STXBP3: variants seen among roughly 807,000 people sequenced by gnomAD.
STXBP3 encodes syntaxin binding protein 3.
A neutral mutation model predicts 85.7 loss-of-function variants in STXBP3; 41 were observed. That is an observed-to-expected ratio of 0.48 (90% CI 0.37 to 0.62). The LOEUF (loss-of-function observed/expected upper bound fraction) is 0.62. STXBP3 is among the 20% of genes least tolerant of loss of function. The pLI is 0.00. For synonymous variants in STXBP3, 229 were observed against 231.7 expected (o/e 0.99, Z 0.10); for missense variants, 563 against 703.1 (o/e 0.80, Z 2.25).
Position 108,753,126 on chromosome 1 carries a change from C to A in STXBP3, c.163C>A (p.Leu55Ile). 3 of 1,588,044 alleles carry A rather than the reference C, an allele frequency of 1.9e-6. No individual in the cohort carries two copies. Among genetic ancestry groups the A allele is most frequent in the Non-Finnish European group, 2.6e-6 (3 of 1,168,900 alleles). The change falls in exon 3 of 19, where the codon CTA (leucine) becomes ATA (isoleucine). Residue 55 changes from leucine (L) to isoleucine (I), a missense_variant. Around this residue, in one of 3 missense-constraint regions of STXBP3, gnomAD observed 32 missense variants for 70.6 expected, o/e 0.45. Transcript: ENST00000370008. Reference sequence around the variant, plus strand: ...ATCGTGTTGCAAAATGACAGATCTTCTAGAAGAAGGTATTACTGGTAAGTG... The same window carrying A: ...ATCGTGTTGCAAAATGACAGATCTTATAGAAGAAGGTATTACTGGTAAGTG... ...LASCCKMTDL[L>I]EEGITVVENI...
chr1:108,780,645 AG>A (rs1349689175), intron 9 of STXBP3: 1 of 150,734 alleles, frequency 6.6e-6, no homozygotes, highest in East Asian at 1.9e-4. Context: ...CTGGGATTGC[AG>A]GGGTGAGCCA....
At chr1:108,801,775 C>T (rs1663238170) in intron 17 of STXBP3, among the ~76,000 whole-genome samples, 1 of 151,770 alleles carries the variant, frequency 6.6e-6, no homozygotes, top group South Asian at 2.1e-4. Flanking sequence ...CTCAGGTGAG[C>T]CTCCCACCTC....
intron 18 of STXBP3, 31 bp downstream of exon 18, chr1:108,807,580 T>G (rs749029049): frequency 1.3e-6 from 2 of 1,529,372 alleles, no homozygotes; most frequent in Non-Finnish European, 1.8e-6. Context: ...TTTTCTGTTT[T>G]TTTTTTTTTT....
Position 108,794,713 on chromosome 1 carries a change from C to T in STXBP3, c.1030-114C>T, listed in dbSNP as rs549902994. ...GAGCTGTTCCCTTGCTTACATGTTA[C>T]CTTCTTTCACCTCAGCCCATACTTT... On this transcript the variant is annotated intron_variant, in intron 12 of 18. Transcript: ENST00000370008. The T allele has an allele frequency of 5.4e-5, 43 of 803,680 alleles. No homozygotes were observed. The Admixed American group carries it at 6.7e-4, about 12-fold the overall frequency. 49.8% of individuals were successfully genotyped at this position (803,680 alleles called of 1,614,324 possible).
chr1:108,798,065 A>G (rs922681383), intron 15 of STXBP3, 80 bp from the exon 16 acceptor site: 2 of 1,170,646 alleles, frequency 1.7e-6, no homozygotes, highest in South Asian at 1.5e-5. Context: ...GGTAAATTAA[A>G]TATCTTCGTT....
intron 4 of STXBP3, among the ~76,000 whole-genome samples, chr1:108,757,274 T>G (rs1662042613): frequency 6.6e-6 from 1 of 152,078 alleles, no homozygotes; most frequent in Non-Finnish European, 1.5e-5. Context: ...AGCCAAATTA[T>G]CAGATTTCTT....
At chr1:108,768,164 T>G (rs565876088) in intron 6 of STXBP3, among the ~76,000 whole-genome samples, 2 of 152,318 alleles carry the variant, frequency 1.3e-5, no homozygotes, top group East Asian at 3.9e-4. Context: ...ACATTGTAAT[T>G]GTACCTATTT....
intron 17 of STXBP3, among the ~76,000 whole-genome samples, chr1:108,803,209 G>A (rs1149157): frequency 1.3e-5 from 2 of 151,958 alleles, no homozygotes; most frequent in Admixed American, 6.5e-5. Context: ...CAACAAAGTC[G>A]AAGATTAATT....
At chr1:108,759,147 A>G (rs1425839185) in intron 5 of STXBP3, 2 of 152,220 alleles carry the variant, frequency 1.3e-5, no homozygotes, top group African/African-American at 2.4e-5. Context: ...GTTACATGTT[A>G]TATAATATAC....
chr1:108,748,646 A>G (rs1661842670), intron 1 of STXBP3, among the ~76,000 whole-genome samples: 1 of 152,148 alleles, frequency 6.6e-6, no homozygotes, highest in African/African-American at 2.4e-5. Flanking sequence ...AGCCTGAGCA[A>G]CATGGTGAAA....
chr1:108,772,367 AT>A (rs1388236612), intron 6 of STXBP3, among the ~76,000 whole-genome samples: 1 of 52,234 alleles, frequency 1.9e-5, no homozygotes, highest in African/African-American at 8.4e-5. Flanking sequence ...TGTATCATAT[AT>A]AAATACATAT....
At chr1:108,750,706 G>A (rs1216533905) in intron 1 of STXBP3, among the ~76,000 whole-genome samples, 1 of 152,088 alleles carries the variant, frequency 6.6e-6, no homozygotes, top group African/African-American at 2.4e-5. Flanking sequence ...CAGGTTTAAG[G>A]GCTCAGTCTC....
chr1:108,763,668 C>T (rs6604121), intron 6 of STXBP3, among the ~76,000 whole-genome samples: 107,023 of 151,894 alleles, frequency 0.7, 38,698 homozygotes, highest in Non-Finnish European at 0.77. Flanking sequence ...CTCCACTTCC[C>T]GAGTTCAAGC....
intron 11 of STXBP3, among the ~76,000 whole-genome samples, chr1:108,787,884 G>A (rs1197351075): frequency 2.0e-5 from 3 of 151,728 alleles, no homozygotes. Context: ...CAACCTCTTG[G>A]GCTCAAACGA....
chr1:108,798,055 G>A lies in STXBP3; in HGVS notation c.1357-90G>A. ...AGTCAAATACAATATAGTATTTACT[G>A]GTAAATTAAATATCTTCGTTAGGAA... On this transcript the variant is annotated intron_variant, in intron 15 of 18. Coordinates refer to ENST00000370008, the MANE Select transcript of STXBP3 (RefSeq NM_007269.4). 5.5e-6 allele frequency: 6 copies of A among 1,094,570 alleles called. No individual in the cohort carries two copies. In the South Asian group the frequency reaches 9.2e-5, roughly 17 times the overall value. 67.8% of individuals were successfully genotyped at this position (1,094,570 alleles called of 1,614,324 possible).
chr1:108,751,843 A>AGTAT (rs1661912665), intron 1 of STXBP3, among the ~76,000 whole-genome samples: 1 of 152,180 alleles, frequency 6.6e-6, no homozygotes, highest in Non-Finnish European at 1.5e-5. Context: ...GTAGTAAATC[A>AGTAT]GTATGAAAAA....
intron 18 of STXBP3, 115 bp downstream of exon 18, chr1:108,807,664 C>T (rs1663370301): frequency 9.7e-7 from 1 of 1,035,812 alleles, no homozygotes. Flanking sequence ...GCAACCTCCG[C>T]CTCCCAGGTT....
At chr1:108,778,946 TTCTA>T (rs1168686030) in intron 8 of STXBP3, among the ~76,000 whole-genome samples, 4 of 152,170 alleles carry the variant, frequency 2.6e-5, no homozygotes, top group Admixed American at 1.3e-4. Context: ...ATACTGTATT[TTCTA>T]TCTGTTATTT....
At chr1:108,752,919 G>T in intron 2 of STXBP3, 144 bp from the exon 3 acceptor site, 1 of 502,802 alleles carries the variant, frequency 2.0e-6, no homozygotes, top group South Asian at 4.1e-5. Flanking sequence ...TCTAGCTCAT[G>T]CAAGATAAAA....
Sources: allele counts gnomAD v4.1 joint callset (sites outside exome capture counted in the v4.1 genomes callset), GRCh38; gene constraint gnomAD v4.1.1; regional missense constraint gnomAD v4.1.1; transcripts MANE v1.5; gene names NCBI Gene and HGNC (gene_info 2026-07-23, HGNC 2026-07-21).